PRKAG2: variants seen among roughly 807,000 people sequenced by gnomAD.
The protein encoded by PRKAG2 is protein kinase AMP-activated non-catalytic subunit gamma 2, also known as 5'-AMP-activated protein kinase subunit gamma-2.
In PRKAG2, 26 loss-of-function variants were observed where a neutral mutation model predicts 69.6. The ratio of observed to expected loss-of-function variants is 0.37; its 90% CI spans 0.27 to 0.52. The LOEUF is 0.52. PRKAG2 is among the 20% of genes least tolerant of loss of function. The pLI is 0.90. For missense variants in PRKAG2, 557 were observed against 740.0 expected (o/e 0.75, Z 2.87); for synonymous variants, 293 against 285.0 (o/e 1.03, Z -0.28).
intron 3 of PRKAG2, among the ~76,000 whole-genome samples, chr7:151,718,902 C>T (rs1037988334): frequency 1.3e-5 from 2 of 152,088 alleles, no homozygotes; most frequent in African/African-American, 4.8e-5. Context: ...TCTTCAGCAT[C>T]GGCCTCTGAG....
At position 151,833,174 on chromosome 7, in the gene PRKAG2, C is replaced by T. The variant is rs140090711; in HGVS notation, c.114+43333G>A. 1.6e-3 allele frequency among the ~76,000 whole-genome samples: 242 copies of T among 152,308 alleles called. No individual in the cohort carries two copies. In the Middle Eastern group the frequency reaches 0.031, roughly 19 times the overall value. ...CAGGTGTGATCAGTGCAACAGAGAGCGCGTGAGTCTTTTGATTAGATGGTC... is the reference window on the plus strand; with the variant it reads ...CAGGTGTGATCAGTGCAACAGAGAGTGCGTGAGTCTTTTGATTAGATGGTC... On this transcript the variant is annotated intron_variant, in intron 1 of 15. Transcript: ENST00000287878.
intron 6 of PRKAG2, among the ~76,000 whole-genome samples, chr7:151,576,665 T>G (rs1809022907): frequency 6.6e-6 from 1 of 152,162 alleles, no homozygotes; most frequent in South Asian, 2.1e-4. Context: ...CATGCCCGGC[T>G]AATTTTTGTA....
At chr7:151,566,198 A>G (rs2150998136) in intron 11 of PRKAG2, among the ~76,000 whole-genome samples, 1 of 152,376 alleles carries the variant, frequency 6.6e-6, no homozygotes, top group South Asian at 2.1e-4. Flanking sequence ...TATTTGGGAT[A>G]TTAAGACCTG....
At chr7:151,743,773 C>G (rs1431985012) in intron 3 of PRKAG2, among the ~76,000 whole-genome samples, 1 of 152,206 alleles carries the variant, frequency 6.6e-6, no homozygotes, top group Non-Finnish European at 1.5e-5. Flanking sequence ...AGCAGCATGT[C>G]CTGTTCCTGG....
intron 3 of PRKAG2, among the ~76,000 whole-genome samples, chr7:151,685,145 G>A (rs2727560): frequency 0.57 from 87,091 of 151,908 alleles, 25,616 homozygotes; most frequent in African/African-American, 0.7. Context: ...CCCCAGCCCA[G>A]GGTGGGAGTG....
At chr7:151,629,633 T>A (rs1007662359) in intron 5 of PRKAG2, among the ~76,000 whole-genome samples, 6 of 152,348 alleles carry the variant, frequency 3.9e-5, no homozygotes, top group Middle Eastern at 3.4e-3. Context: ...TCACCAGTGC[T>A]TCCAAGATGT....
At chr7:151,737,234 G>A (rs77293243) in intron 3 of PRKAG2, among the ~76,000 whole-genome samples, 2,530 of 152,012 alleles carry the variant, frequency 0.017, 39 homozygotes, top group East Asian at 0.083. Context: ...GGCCAGGCAC[G>A]GTGGCTCACG....
intron 3 of PRKAG2, among the ~76,000 whole-genome samples, chr7:151,726,402 G>GCACGCA (rs1797978787): frequency 9.8e-6 from 1 of 101,980 alleles, no homozygotes; most frequent in South Asian, 2.8e-4. Flanking sequence ...ACACACACAC[G>GCACGCA]CACACACACA....
chr7:151,584,922 C>A (rs1232048148), intron 6 of PRKAG2, among the ~76,000 whole-genome samples: 1 of 151,884 alleles, frequency 6.6e-6, no homozygotes, highest in Admixed American at 6.6e-5. Context: ...AATAAAAATT[C>A]TAAAAAAGAA....
chr7:151,827,193 C>T (rs1268576913), intron 1 of PRKAG2, among the ~76,000 whole-genome samples: 1 of 152,204 alleles, frequency 6.6e-6, no homozygotes, highest in East Asian at 1.9e-4. Context: ...TTTAATCCAT[C>T]TGGGGTCCAG....
chr7:151,578,319 T>G (rs1272658765), intron 6 of PRKAG2, among the ~76,000 whole-genome samples: 1 of 152,184 alleles, frequency 6.6e-6, no homozygotes, highest in Non-Finnish European at 1.5e-5. Context: ...TACTCCAGCC[T>G]GAGTGAAGAG....
rs569557411 is a variant in PRKAG2 at position 151,800,193 on chromosome 7, TA to T, written c.115-13653del. ...TAACATGGTGAAACCCTGTCTCTACTAAAAAATACAAAAAATTAGCCAGGTG... is the reference window on the plus strand; with the variant it reads ...TAACATGGTGAAACCCTGTCTCTACTAAAAATACAAAAAATTAGCCAGGTG... On this transcript the variant is annotated intron_variant, in intron 1 of 15. Transcript: ENST00000287878. Among the ~76,000 whole-genome samples, 54 of 150,968 alleles carry T rather than the reference TA, an allele frequency of 3.6e-4. 1 individual carries two copies. In the East Asian group the frequency reaches 5.5e-3, roughly 15 times the overall value.
intron 1 of PRKAG2, among the ~76,000 whole-genome samples, chr7:151,867,790 G>C (rs2080116010): frequency 6.6e-6 from 1 of 152,172 alleles, no homozygotes; most frequent in Admixed American, 6.5e-5. Flanking sequence ...CGTAAACATA[G>C]TTCTTAGCAA....
At chr7:151,709,579 T>C (rs966482701) in intron 3 of PRKAG2, among the ~76,000 whole-genome samples, 7 of 152,116 alleles carry the variant, frequency 4.6e-5, no homozygotes, top group Admixed American at 2.0e-4. Context: ...TTCTGTAACA[T>C]TGAGTGTGAC....
intron 3 of PRKAG2, among the ~76,000 whole-genome samples, chr7:151,773,066 G>GAAAGAAAGA (rs2076146175): frequency 1.8e-5 from 1 of 54,242 alleles, no homozygotes; most frequent in African/African-American, 8.5e-5. Flanking sequence ...AGGGAGGGAG[G>GAAAGAAAGA]GAGGGAGGGA....
rs1046627152 is a variant in PRKAG2, at chr7:151,756,497, A to T, written c.466+24655T>A. 1.3e-5 allele frequency among the ~76,000 whole-genome samples: 2 copies of T among 152,122 alleles called. No individual in the cohort carries two copies. The highest frequency in any genetic ancestry group is 4.8e-5 in the African/African-American group (2 of 41,436). On this transcript the variant is annotated intron_variant, in intron 3 of 15. Transcript: ENST00000287878. This position sits in a 1 kb window ranked among gnomAD's most constrained non-coding sequence, Gnocchi z 4.9. ...GGTACCTGCGCTGCTCTCATGCTCA[A>T]TCCTCACCCCTACTCTGCCTGGATG...
intron 6 of PRKAG2, among the ~76,000 whole-genome samples, chr7:151,578,918 A>C (rs1293420660): frequency 1.3e-5 from 2 of 152,226 alleles, no homozygotes; most frequent in Non-Finnish European, 2.9e-5. Flanking sequence ...ATGTAAATAG[A>C]TTTTAAAACA....
chr7:151,839,828 G>A (rs2079234016), intron 1 of PRKAG2, among the ~76,000 whole-genome samples: 1 of 152,162 alleles, frequency 6.6e-6, no homozygotes, highest in South Asian at 2.1e-4. Context: ...CGTAGCAGGG[G>A]CCCGCCTTCC....
intron 5 of PRKAG2, among the ~76,000 whole-genome samples, chr7:151,627,420 G>A (rs1299801316): frequency 6.6e-6 from 1 of 152,114 alleles, no homozygotes; most frequent in Non-Finnish European, 1.5e-5. Flanking sequence ...GAGGCCAGGA[G>A]TTCGAGACCA....
Sources: gnomAD v4.1 joint callset for allele counts (sites outside exome capture counted in the v4.1 genomes callset) on GRCh38, gnomAD v4.1.1 for gene constraint, Gnocchi (gnomAD v3.1) non-coding constraint, MANE v1.5 for transcripts, NCBI Gene and HGNC (gene_info 2026-07-23, HGNC 2026-07-21) for gene names.